Variants in CIT observed in about 807,000 individuals in gnomAD.
CIT encodes citron Rho-interacting kinase.
CIT carries 79 observed loss-of-function variants against 272.7 expected under a neutral mutation model. The ratio of observed to expected loss-of-function variants is 0.29; its 90% CI spans 0.24 to 0.35. CIT has a LOEUF of 0.35. Among genes scored for constraint, CIT ranks in the 10% least tolerant of loss-of-function variants. The pLI is 1.00. For synonymous variants in CIT, 948 were observed against 995.6 expected (o/e 0.95, Z 0.90); for missense variants, 1,909 against 2,618.3 (o/e 0.73, Z 5.91).
At chr12:119,797,586 A>G (rs1168039972) in intron 10 of CIT, among the ~76,000 whole-genome samples, 2 of 152,214 alleles carry the variant, frequency 1.3e-5, no homozygotes, top group African/African-American at 4.8e-5. Context: ...AATACAGCAG[A>G]TGCATGTCTT....
chr12:119,794,555 C>T (rs1212555512), intron 10 of CIT, among the ~76,000 whole-genome samples: 1 of 152,210 alleles, frequency 6.6e-6, no homozygotes, highest in East Asian at 1.9e-4. Flanking sequence ...AGGCTGGGAA[C>T]ATGCACACTT....
At chr12:119,794,154 C>T (rs1427742203) in intron 10 of CIT, among the ~76,000 whole-genome samples, 1 of 152,108 alleles carries the variant, frequency 6.6e-6, no homozygotes, top group Non-Finnish European at 1.5e-5. Context: ...CTCACATGTG[C>T]ACAGTAGTTA....
At chr12:119,836,034 A>T (rs1487959152) in intron 5 of CIT, among the ~76,000 whole-genome samples, 1 of 152,098 alleles carries the variant, frequency 6.6e-6, no homozygotes, top group African/African-American at 2.4e-5. Context: ...CACACCTGTA[A>T]TCCCAGCACT....
intron 7 of CIT, among the ~76,000 whole-genome samples, chr12:119,830,969 G>A (rs751345233): frequency 1.2e-4 from 18 of 152,128 alleles, no homozygotes; most frequent in Non-Finnish European, 7.4e-5. Flanking sequence ...TCGCTCCAGC[G>A]ATCCTACTGT....
intron 3 of CIT, among the ~76,000 whole-genome samples, chr12:119,858,056 A>T (rs1950222802): frequency 6.6e-6 from 1 of 152,236 alleles, no homozygotes; most frequent in Non-Finnish European, 1.5e-5. Context: ...ACTGGTTTAC[A>T]GTGTGACATA....
chr12:119,844,254 T>G (rs1193373864), intron 5 of CIT, among the ~76,000 whole-genome samples: 1 of 152,014 alleles, frequency 6.6e-6, no homozygotes, highest in Non-Finnish European at 1.5e-5. Context: ...ACTCCTGAAC[T>G]AAGGTTATCC....
At chr12:119,693,614 G>C (rs963499237) in intron 46 of CIT, among the ~76,000 whole-genome samples, 7 of 152,182 alleles carry the variant, frequency 4.6e-5, no homozygotes, top group African/African-American at 1.7e-4. Flanking sequence ...ACTTAAAAAA[G>C]ATCTAGACAT....
At chr12:119,844,715 C>CA (rs1969669232) in intron 5 of CIT, among the ~76,000 whole-genome samples, 1 of 152,116 alleles carries the variant, frequency 6.6e-6, no homozygotes, top group Non-Finnish European at 1.5e-5. Context: ...TTAATAATTA[C>CA]AAAATCCCAT....
rs1437480425 is a variant in CIT at position 119,846,917 on chromosome 12, TATCTA to T, written c.516+3252_516+3256del. Among the ~76,000 whole-genome samples the T allele has an allele frequency of 4.3e-3, 638 of 148,732 alleles. 6 individuals are homozygous for T. The highest frequency in any genetic ancestry group is 0.015 in the African/African-American group (612 of 40,762). On this transcript the variant is annotated intron_variant, in intron 5 of 47. Coordinates refer to ENST00000392521, the MANE Select transcript of CIT (RefSeq NM_001206999.2). ...AAAAAAAAAGAAAGAAAAAAATACG[TATCTA>T]AAACAACAATAACAAACAAACACAA...
chr12:119,863,652 G>A (rs1047303451), intron 3 of CIT, among the ~76,000 whole-genome samples: 48 of 151,724 alleles, frequency 3.2e-4, no homozygotes, highest in African/African-American at 1.0e-3. Flanking sequence ...TCAGCCTCCT[G>A]AGTAGCTGGG....
At chr12:119,834,648 G>A (rs1968872433) in intron 5 of CIT, among the ~76,000 whole-genome samples, 1 of 152,172 alleles carries the variant, frequency 6.6e-6, no homozygotes, top group Admixed American at 6.5e-5. Context: ...CAATAAATGT[G>A]ATACAATCTT....
chr12:119,766,416 G>T (rs898793486), intron 19 of CIT, among the ~76,000 whole-genome samples: 29 of 152,068 alleles, frequency 1.9e-4, no homozygotes, highest in African/African-American at 6.0e-4. Context: ...CTTATTTGTG[G>T]GATCTAAAAA....
intron 4 of CIT, among the ~76,000 whole-genome samples, chr12:119,855,531 C>A (rs1306457844): frequency 6.6e-6 from 1 of 152,140 alleles, no homozygotes; most frequent in Non-Finnish European, 1.5e-5. Flanking sequence ...CAGGCCTTGT[C>A]TGCAGAACAG....
At position 119,770,575 on chromosome 12, in the gene CIT, A is replaced by C. The variant is rs1962999866; in HGVS notation, c.2208+210T>G. On this transcript the variant is annotated intron_variant, in intron 18 of 47. Transcript: ENST00000392521. This position sits in a 1 kb window ranked among gnomAD's most constrained non-coding sequence, Gnocchi z 4.4. Reference sequence around the variant, plus strand: ...GCTGTAGCAAACAGAGCAAAAAACGATATTTACGGATCTGTTACCAGTGCT... The same window carrying C: ...GCTGTAGCAAACAGAGCAAAAAACGCTATTTACGGATCTGTTACCAGTGCT... Among the ~76,000 whole-genome samples the C allele has an allele frequency of 6.6e-6, 1 of 151,100 alleles. No individual in the cohort carries two copies. Among genetic ancestry groups the C allele is most frequent in the Admixed American group, 6.6e-5 (1 of 15,182 alleles).
rs1967854942 is a variant in CIT at position 119,823,033 on chromosome 12, A to G, written c.958-60T>C. On this transcript the variant is annotated intron_variant, in intron 8 of 47. Transcript: ENST00000392521. ...GTAGGGATTCCGTTTCTCATGCTGC[A>G]AAGTGAAGAAAGTATTTCTCATATA... 2.0e-6 allele frequency: 3 copies of G among 1,491,172 alleles called. No individual in the cohort carries two copies. In the East Asian group the frequency reaches 6.8e-5, roughly 34 times the overall value. The allele number at this position is 1,491,172 out of a possible 1,614,324, so 92.4% of individuals were successfully genotyped here.
At chr12:119,698,608 T>A (rs7300486) in intron 44 of CIT, among the ~76,000 whole-genome samples, 3,937 of 143,692 alleles carry the variant, frequency 0.027, 170 homozygotes, top group African/African-American at 0.096. Flanking sequence ...AAAAAAAAAA[T>A]TATAATACAT....
chr12:119,793,165 T>C (rs1965467075), intron 10 of CIT, among the ~76,000 whole-genome samples: 1 of 151,678 alleles, frequency 6.6e-6, no homozygotes, highest in Non-Finnish European at 1.5e-5. Flanking sequence ...CTCATATACA[T>C]ACACACATAT....
In CIT at chr12:119,697,115, C is replaced by T. The variant is rs954800128; in HGVS notation, c.5882+544G>A. 2.6e-5 allele frequency among the ~76,000 whole-genome samples: 4 copies of T among 152,174 alleles called. No individual in the cohort carries two copies. The highest frequency in any genetic ancestry group is 4.8e-5 in the African/African-American group (2 of 41,444). ...TCTCTGGACCTCCAGGCATGGCTTG[C>T]CTTCCCTCCTGCCTGAGCACCCCTC... is the stretch of plus-strand genomic sequence containing the variant. On this transcript the variant is annotated intron_variant, in intron 46 of 47. Coordinates refer to ENST00000392521, the MANE Select transcript of CIT (RefSeq NM_001206999.2). This position sits in a 1 kb window ranked among gnomAD's most constrained non-coding sequence, Gnocchi z 4.9.
At chr12:119,715,896 C>A (rs1370301567) in intron 32 of CIT, among the ~76,000 whole-genome samples, 1 of 152,092 alleles carries the variant, frequency 6.6e-6, no homozygotes, top group Admixed American at 6.5e-5. Flanking sequence ...ACAACATCAC[C>A]CCCCTTCCTT....
Sources: gnomAD v4.1 joint callset for allele counts (sites outside exome capture counted in the v4.1 genomes callset) on GRCh38, gnomAD v4.1.1 for gene constraint, Gnocchi (gnomAD v3.1) non-coding constraint, MANE v1.5 for transcripts, NCBI Gene and HGNC (gene_info 2026-07-23, HGNC 2026-07-21) for gene names.